The following CDH13 variants were observed in gnomAD, a reference collection of about 807,000 sequenced individuals.
CDH13 encodes the protein cadherin 13.
In CDH13, 24 loss-of-function variants were observed where a neutral mutation model predicts 63.8. The ratio of observed to expected loss-of-function variants is 0.38; its 90% CI spans 0.27 to 0.53. CDH13 has a LOEUF of 0.53. CDH13 is among the 20% of genes least tolerant of loss of function. The pLI is 0.85. For synonymous variants in CDH13, 503 were observed against 355.3 expected (o/e 1.42, Z -4.67); for missense variants, 1,049 against 903.1 (o/e 1.16, Z -2.07).
chr16:83,760,239 A>G (rs1913854356), intron 11 of CDH13, among the ~76,000 whole-genome samples: 1 of 152,190 alleles, frequency 6.6e-6, no homozygotes, highest in Non-Finnish European at 1.5e-5. Context: ...AAATAATTGG[A>G]ACTCTCCTAC....
chr16:83,222,674 T>C (rs1265920400), intron 5 of CDH13, among the ~76,000 whole-genome samples: 1 of 151,978 alleles, frequency 6.6e-6, no homozygotes, highest in Non-Finnish European at 1.5e-5. Flanking sequence ...GTCTCCCCCA[T>C]TGCTACCTTT....
chr16:82,831,565 G>A (rs765151775), intron 1 of CDH13, among the ~76,000 whole-genome samples: 1 of 152,128 alleles, frequency 6.6e-6, no homozygotes, highest in Non-Finnish European at 1.5e-5. Context: ...AGGGGCTGAG[G>A]TGAGGACCCC....
chr16:83,331,459 C>T (rs2090478575), intron 5 of CDH13, among the ~76,000 whole-genome samples: 1 of 152,168 alleles, frequency 6.6e-6, no homozygotes, highest in Non-Finnish European at 1.5e-5. Context: ...AGGGATGTTG[C>T]ATGTCTTAGA....
At chr16:83,330,724 G>A (rs959810435) in intron 5 of CDH13, among the ~76,000 whole-genome samples, 4 of 152,178 alleles carry the variant, frequency 2.6e-5, no homozygotes, top group Non-Finnish European at 4.4e-5. Context: ...TCCTGGGAAT[G>A]GGGTGGCGTG....
At chr16:83,620,681 CTTG>C (rs1176669879) in intron 8 of CDH13, among the ~76,000 whole-genome samples, 5 of 152,306 alleles carry the variant, frequency 3.3e-5, no homozygotes, top group Admixed American at 2.0e-4. Context: ...CAAAGAGGGT[CTTG>C]TTGTCCCTCC....
intron 3 of CDH13, among the ~76,000 whole-genome samples, chr16:83,112,522 G>C (rs2035106177): frequency 6.6e-6 from 1 of 152,240 alleles, no homozygotes; most frequent in African/African-American, 2.4e-5. Flanking sequence ...TTAGGAGTTA[G>C]AAGAAATAGC....
chr16:83,256,463 G>C (rs1906272669), intron 5 of CDH13, among the ~76,000 whole-genome samples: 1 of 152,060 alleles, frequency 6.6e-6, no homozygotes, highest in African/African-American at 2.4e-5. Context: ...GAGCATTAGA[G>C]ATAGACTTTC....
intron 1 of CDH13, among the ~76,000 whole-genome samples, chr16:82,686,076 C>G (rs896835982): frequency 6.6e-6 from 1 of 152,172 alleles, no homozygotes; most frequent in Non-Finnish European, 1.5e-5. Flanking sequence ...GATAATCACC[C>G]TTAGCTCCAC....
At chr16:82,972,962 A>C (rs1034802373) in intron 2 of CDH13, among the ~76,000 whole-genome samples, 1 of 152,210 alleles carries the variant, frequency 6.6e-6, no homozygotes, top group Admixed American at 6.5e-5. Context: ...AAAGTGTTCA[A>C]AACCATTACT....
chr16:82,745,224 C>A (rs1005108674), intron 1 of CDH13, among the ~76,000 whole-genome samples: 3 of 152,158 alleles, frequency 2.0e-5, no homozygotes, highest in Non-Finnish European at 4.4e-5. Flanking sequence ...GATGCCATTC[C>A]AATGGTAGCC....
At chr16:83,200,642 G>A (rs1308828321) in intron 4 of CDH13, among the ~76,000 whole-genome samples, 2 of 152,138 alleles carry the variant, frequency 1.3e-5, no homozygotes, top group Non-Finnish European at 2.9e-5. Context: ...TCGTTTTGGG[G>A]AATATTAGTA....
At chr16:83,111,143 G>C (rs960779095) in intron 3 of CDH13, among the ~76,000 whole-genome samples, 19 of 151,544 alleles carry the variant, frequency 1.3e-4, no homozygotes, top group African/African-American at 4.1e-4. Context: ...CTGCACTCCA[G>C]CCTGGGCGAC....
intron 2 of CDH13, among the ~76,000 whole-genome samples, chr16:83,012,617 A>G (rs111352228): frequency 7.2e-5 from 11 of 152,184 alleles, no homozygotes; most frequent in African/African-American, 2.7e-4. Flanking sequence ...CACTTTAAGT[A>G]TGGGAAACAG....
chr16:83,382,884 C>G (rs1396144808), intron 6 of CDH13: 1 of 152,356 alleles, frequency 6.6e-6, no homozygotes, highest in South Asian at 2.1e-4. Context: ...GACATTTGAT[C>G]ACACAAGTGG....
chr16:82,988,755 C>A (rs1911277916), intron 2 of CDH13, among the ~76,000 whole-genome samples: 1 of 139,924 alleles, frequency 7.1e-6, no homozygotes, highest in African/African-American at 2.7e-5. Context: ...GAGTGAAACT[C>A]CAACTCAAAA....
At chr16:83,503,949 A>G (rs891316209) in intron 7 of CDH13, among the ~76,000 whole-genome samples, 15 of 143,116 alleles carry the variant, frequency 1.0e-4, no homozygotes, top group Admixed American at 7.8e-4. Context: ...TTGGTGTTTT[A>G]GTTGGGGGGT....
At chr16:82,779,935 G>A (rs1035339436) in intron 1 of CDH13, among the ~76,000 whole-genome samples, 1 of 152,166 alleles carries the variant, frequency 6.6e-6, no homozygotes, top group African/African-American at 2.4e-5. Flanking sequence ...ATCTGCACAT[G>A]TGTATCATGT....
intron 1 of CDH13, among the ~76,000 whole-genome samples, chr16:82,767,538 A>T (rs143690479): frequency 3.8e-4 from 58 of 152,336 alleles, no homozygotes; most frequent in African/African-American, 1.3e-3. Context: ...CTGATGCCAG[A>T]TTTAAATTCC....
chr16:82,636,477 C>G (rs1009589739), intron 1 of CDH13, among the ~76,000 whole-genome samples: 2 of 152,154 alleles, frequency 1.3e-5, no homozygotes, highest in Non-Finnish European at 2.9e-5. Flanking sequence ...ACTTTTCATG[C>G]ACAAGATATT....
Sources: allele counts gnomAD v4.1 joint callset (sites outside exome capture counted in the v4.1 genomes callset), GRCh38; gene constraint gnomAD v4.1.1; transcripts MANE v1.5; gene names NCBI Gene and HGNC (gene_info 2026-07-23, HGNC 2026-07-21).